The following RAB30 variants were observed in gnomAD, a reference collection of about 807,000 sequenced individuals.
RAB30 encodes the protein RAB30, member RAS oncogene family, also known as ras-related protein Rab-30.
In RAB30, 9 loss-of-function variants were observed where a neutral mutation model predicts 25.1. The observed-to-expected ratio is 0.36, with a 90% CI of 0.22 to 0.63. The LOEUF is 0.63. RAB30 is among the 20% of genes least tolerant of loss of function. The pLI is 0.69. For synonymous variants in RAB30, 77 were observed against 86.4 expected (o/e 0.89, Z 0.60); for missense variants, 140 against 243.5 (o/e 0.58, Z 2.83).
intron 1 of RAB30, among the ~76,000 whole-genome samples, chr11:83,023,357 A>G (rs1240817931): frequency 6.6e-6 from 1 of 152,242 alleles, no homozygotes; most frequent in African/African-American, 2.4e-5. Flanking sequence ...GCTTAAGGTC[A>G]GCGCTCAGAT....
At chr11:83,009,817 C>T (rs556022614) in intron 1 of RAB30, among the ~76,000 whole-genome samples, 69 of 152,284 alleles carry the variant, frequency 4.5e-4, no homozygotes, top group African/African-American at 1.6e-3. Context: ...CCTTTCAATA[C>T]TCATCAAAAG....
chr11:82,995,464 C>A (rs953656720), intron 2 of RAB30, among the ~76,000 whole-genome samples: 36 of 152,204 alleles, frequency 2.4e-4, no homozygotes, highest in African/African-American at 8.2e-4. Flanking sequence ...CAATGTTTCA[C>A]CTACCATTTT....
intron 1 of RAB30, among the ~76,000 whole-genome samples, chr11:83,000,080 C>T (rs140159627): frequency 0.011 from 1,609 of 152,208 alleles, 15 homozygotes; most frequent in Non-Finnish European, 0.015. Flanking sequence ...ATGAGGGGGA[C>T]GCTATACTAT....
chr11:83,013,165 C>A (rs1043317708), intron 1 of RAB30, among the ~76,000 whole-genome samples: 1 of 152,104 alleles, frequency 6.6e-6, no homozygotes, highest in Non-Finnish European at 1.5e-5. Context: ...GTCACTGCAA[C>A]CTCCGCCTCC....
At chr11:82,998,529 C>CAA (rs148897120) in intron 1 of RAB30, among the ~76,000 whole-genome samples, 2,674 of 139,136 alleles carry the variant, frequency 0.019, 88 homozygotes, top group African/African-American at 0.069. Flanking sequence ...GCCTGGGTGA[C>CAA]AGAGTGAGAC....
chr11:83,017,627 A>G (rs1857467485), intron 1 of RAB30, among the ~76,000 whole-genome samples: 1 of 152,136 alleles, frequency 6.6e-6, no homozygotes, highest in Non-Finnish European at 1.5e-5. Flanking sequence ...AGAACATACG[A>G]TATTTAATTT....
At chr11:83,044,358 A>C (rs557014389) in intron 1 of RAB30, among the ~76,000 whole-genome samples, 38 of 152,258 alleles carry the variant, frequency 2.5e-4, no homozygotes, top group Non-Finnish European at 5.1e-4. Flanking sequence ...ATATTGACTT[A>C]TGTGAACAAA....
chr11:82,987,472 A>G, intron 4 of RAB30, 115 bp downstream of exon 4: 1 of 1,057,614 alleles, frequency 9.5e-7, no homozygotes. Flanking sequence ...GGTTGACTGC[A>G]TGAATTATTA....
intron 3 of RAB30, among the ~76,000 whole-genome samples, chr11:82,989,092 C>T (rs1477341634): frequency 6.6e-6 from 1 of 152,162 alleles, no homozygotes; most frequent in African/African-American, 2.4e-5. Context: ...CAAATATTTA[C>T]TGATGGTCTC....
At chr11:83,050,555 T>C (rs1433671588) in intron 1 of RAB30, among the ~76,000 whole-genome samples, 1 of 152,216 alleles carries the variant, frequency 6.6e-6, no homozygotes, top group Non-Finnish European at 1.5e-5. Context: ...CATTGTTACC[T>C]GGCCTGCAAG....
At chr11:83,026,904 T>C (rs1425494642) in intron 1 of RAB30, among the ~76,000 whole-genome samples, 2 of 152,156 alleles carry the variant, frequency 1.3e-5, no homozygotes, top group Non-Finnish European at 2.9e-5. Flanking sequence ...GTAATTGACT[T>C]AGCATACTCA....
At position 82,983,205 on chromosome 11, in the gene RAB30, A is replaced by C. The variant is rs143646070; in HGVS notation, c.362-790T>G. Among the ~76,000 whole-genome samples the C allele has an allele frequency of 1.5e-3, 234 of 152,316 alleles. 6 individuals carry two copies. The East Asian group carries it at 0.042, about 27-fold the overall frequency. ...TAGACCAAAATCTTAATTTAAAAGA[A>C]AATGGTTACCTATGAAAGGAACAGG... On this transcript the variant is annotated intron_variant, in intron 4 of 4. Coordinates refer to ENST00000527633, the MANE Select transcript of RAB30 (RefSeq NM_001286060.2).
At chr11:83,019,375 G>A (rs757099249) in intron 1 of RAB30, among the ~76,000 whole-genome samples, 35 of 152,150 alleles carry the variant, frequency 2.3e-4, no homozygotes, top group East Asian at 1.9e-4. Context: ...TTCAGCAAAA[G>A]TGAAGATGGA....
Position 82,979,663 on chromosome 11 carries a change from T to C in RAB30, c.*2502A>G, listed in dbSNP as rs1267456721. ...ATTGCACCTACAATATTGTCAGGGA[T>C]TGTTTTCAAACTTCAGATATATTAG... On this transcript the variant is annotated 3_prime_UTR_variant, in exon 5 of 5. Coordinates refer to ENST00000527633, the MANE Select transcript of RAB30 (RefSeq NM_001286060.2). 1 of 152,206 alleles carries C rather than the reference T, an allele frequency of 6.6e-6. No individual in the cohort carries two copies. Among genetic ancestry groups the C allele is most frequent in the African/African-American group, 2.4e-5 (1 of 41,454 alleles). 9.4% of individuals were successfully genotyped at this position (152,206 alleles called of 1,614,324 possible). A position where few individuals can be genotyped will look rare whatever the true frequency, so the allele number is the denominator to read the frequency against.
intron 1 of RAB30, among the ~76,000 whole-genome samples, chr11:83,043,043 T>A (rs1011598705): frequency 6.6e-6 from 1 of 152,206 alleles, no homozygotes; most frequent in Non-Finnish European, 1.5e-5. Flanking sequence ...ATGGCTGTGA[T>A]TGTTCATGCC....
At chr11:82,987,302 T>C (rs1856756474) in intron 4 of RAB30, 1 of 236,038 alleles carries the variant, frequency 4.2e-6, no homozygotes, top group Non-Finnish European at 8.1e-6. Context: ...ATCTTGTAAT[T>C]AGACTTTTTA....
intron 1 of RAB30, among the ~76,000 whole-genome samples, chr11:83,022,731 T>C (rs1338111161): frequency 2.0e-5 from 3 of 152,072 alleles, no homozygotes; most frequent in African/African-American, 4.8e-5. Flanking sequence ...TCATTAGTAA[T>C]GGGCAATTTA....
intron 1 of RAB30, among the ~76,000 whole-genome samples, chr11:83,002,229 T>C (rs534371970): frequency 6.6e-6 from 1 of 152,094 alleles, no homozygotes; most frequent in Non-Finnish European, 1.5e-5. Context: ...AGAATCTCCC[T>C]GCTCCGGAAG....
At chr11:83,038,703 C>G (rs1353600333) in intron 1 of RAB30, 1 of 152,026 alleles carries the variant, frequency 6.6e-6, no homozygotes, top group Non-Finnish European at 1.5e-5. Context: ...CGCCTATAAT[C>G]CCAGCTACTT....
Sources: gnomAD v4.1 joint callset for allele counts (sites outside exome capture counted in the v4.1 genomes callset) on GRCh38, gnomAD v4.1.1 for gene constraint, MANE v1.5 for transcripts, NCBI Gene and HGNC (gene_info 2026-07-23, HGNC 2026-07-21) for gene names.